HMGXB4: variants seen among roughly 807,000 people sequenced by gnomAD.
HMGXB4 encodes HMG domain-containing protein 4.
HMGXB4 carries 27 observed loss-of-function variants against 63.9 expected under a neutral mutation model. The observed-to-expected ratio is 0.42, with a 90% CI of 0.31 to 0.58. The LOEUF is 0.58. Among genes scored for constraint, HMGXB4 ranks in the 20% least tolerant of loss-of-function variants. HMGXB4 has a pLI of 0.13. For synonymous variants in HMGXB4, 264 were observed against 265.3 expected, an observed-to-expected ratio of 0.99 and a Z score of 0.05; for missense variants, 624 against 700.7, an observed-to-expected ratio of 0.89 and a Z score of 1.24.
chr22:35,281,998 A>C (rs563151321), intron 5 of HMGXB4, among the ~76,000 whole-genome samples: 17 of 152,082 alleles, frequency 1.1e-4, no homozygotes, highest in African/African-American at 4.1e-4. Context: ...ATTTTATGGG[A>C]ACAACATGAA....
At chr22:35,265,877 C>G (rs1187726556) in intron 5 of HMGXB4, among the ~76,000 whole-genome samples, 1 of 151,378 alleles carries the variant, frequency 6.6e-6, no homozygotes, top group Non-Finnish European at 1.5e-5. Context: ...ACCTCCTCCT[C>G]CCAGGTTCAA....
At chr22:35,252,171 T>C in the HMGXB4 span, among the ~76,000 whole-genome samples, 1 of 152,164 alleles carries the variant, frequency 6.6e-6, no homozygotes, top group Non-Finnish European at 1.5e-5. Context: ...GCTGAGATCG[T>C]GTCAGTGCAC....
At chr22:35,243,504 G>C in the HMGXB4 span, among the ~76,000 whole-genome samples, 91,126 of 151,958 alleles carry the variant, frequency 0.6, 29,332 homozygotes, top group Non-Finnish European at 0.72. Context: ...AGATATTTAA[G>C]AGTTTTTTTT....
chr22:35,265,045 T>G lies in HMGXB4; in HGVS notation c.657T>G (p.Thr219=). ...TTCAATATCCCTCCCAACAAGCGAC[T>G]GTGAAAAAATCCTCAAAGAAATCAG... is the stretch of plus-strand genomic sequence containing the variant. ...ESFQYPSQQA[T]VKKSSKKSAR... is the part of the protein sequence containing the mutation. The change falls in exon 5 of 11, where the codon ACT becomes ACG. Residue 219 remains threonine, a synonymous_variant. Transcript: ENST00000216106. 2 of 1,613,844 alleles carry G rather than the reference T, an allele frequency of 1.2e-6. No individual in the cohort carries two copies. Among genetic ancestry groups the G allele is most frequent in the Non-Finnish European group, 1.7e-6 (2 of 1,179,758 alleles).
chr22:35,266,334 T>C (rs1923244225), intron 5 of HMGXB4, among the ~76,000 whole-genome samples: 1 of 152,220 alleles, frequency 6.6e-6, no homozygotes, highest in African/African-American at 2.4e-5. Flanking sequence ...CTAATGACTT[T>C]CCACCAGCTG....
At chr22:35,284,743 A>C (rs545084923) in intron 6 of HMGXB4, among the ~76,000 whole-genome samples, 1 of 152,376 alleles carries the variant, frequency 6.6e-6, no homozygotes, top group African/African-American at 2.4e-5. Context: ...TCAAACCATC[A>C]TAAGTCAGGG....
At chr22:35,245,387 ATAT>A in the HMGXB4 span, among the ~76,000 whole-genome samples, 1 of 57,304 alleles carries the variant, frequency 1.7e-5, no homozygotes, top group Non-Finnish European at 4.4e-5. Context: ...TTTTGTATTT[ATAT>A]TATTGTTTTT....
intron 5 of HMGXB4, among the ~76,000 whole-genome samples, chr22:35,271,797 T>G (rs548213669): frequency 6.6e-6 from 1 of 152,346 alleles, no homozygotes; most frequent in Admixed American, 6.5e-5. Flanking sequence ...TAGTTCAAAG[T>G]AATTCCCAGT....
intron 1 of HMGXB4, among the ~76,000 whole-genome samples, chr22:35,260,610 G>A (rs1922788015): frequency 6.6e-6 from 1 of 152,174 alleles, no homozygotes; most frequent in Non-Finnish European, 1.5e-5. Flanking sequence ...CTTCGAACAG[G>A]CAGTTCTCCA....
chr22:35,264,130 T>C, intron 4 of HMGXB4: 1 of 1,335,628 alleles, frequency 7.5e-7, no homozygotes, highest in Non-Finnish European at 1.0e-6. Flanking sequence ...ATCATCCACT[T>C]ATCTTGTGCC....
chr22:35,292,668 A>G (rs41459445), intron 9 of HMGXB4, among the ~76,000 whole-genome samples: 2,846 of 152,282 alleles, frequency 0.019, 88 homozygotes, highest in African/African-American at 0.064. Context: ...CATAATCACA[A>G]ATCTTACCAA....
intron 9 of HMGXB4, among the ~76,000 whole-genome samples, chr22:35,292,187 T>C (rs780368218): frequency 6.6e-6 from 1 of 152,182 alleles, no homozygotes; most frequent in African/African-American, 2.4e-5. Context: ...TAACCATGTA[T>C]TAAGCACCAT....
chr22:35,263,132 G>T lies in HMGXB4; in HGVS notation c.86G>T (p.Ser29Ile). 6.2e-7 allele frequency: 1 copy of T among 1,614,030 alleles called. No homozygotes were observed. The highest frequency in any genetic ancestry group is 1.1e-5 in the South Asian group (1 of 91,084). Residue 29 changes from serine to isoleucine, a missense_variant, in exon 3 of 11, where the codon AGC becomes ATC. Physicochemically the swap from Ser to Ile is moderately radical, Grantham distance 142 (BLOSUM62 -2). Coordinates refer to ENST00000216106, the MANE Select transcript of HMGXB4 (RefSeq NM_001003681.3). ...FEDIGLAAGR[S>I]QREKKRSYKD... ...GACATAGGACTTGCAGCTGGCCGAA[G>T]CCAACGAGAGAAAAAACGTTCTTAC... is the stretch of plus-strand genomic sequence containing the variant.
At chr22:35,291,118 C>T (rs1443228997) in intron 9 of HMGXB4, among the ~76,000 whole-genome samples, 1 of 152,082 alleles carries the variant, frequency 6.6e-6, no homozygotes, top group African/African-American at 2.4e-5. Context: ...CAAAAATTAG[C>T]CAGTTGTGGT....
chr22:35,286,694 C>CA, intron 7 of HMGXB4, among the ~76,000 whole-genome samples: 1 of 151,808 alleles, frequency 6.6e-6, no homozygotes, highest in Non-Finnish European at 1.5e-5. Context: ...ACTAAAAATA[C>CA]AAAAAATTAG....
At chr22:35,249,563 G>C in the HMGXB4 span, among the ~76,000 whole-genome samples, 2 of 97,842 alleles carry the variant, frequency 2.0e-5, 1 homozygote, top group Admixed American at 2.2e-4. Context: ...CTCTGAGAAG[G>C]GTGCTGGGGA....
intron 5 of HMGXB4, among the ~76,000 whole-genome samples, chr22:35,268,452 C>CT (rs571119054): frequency 7.3e-5 from 11 of 149,784 alleles, no homozygotes; most frequent in Middle Eastern, 3.4e-3. Context: ...TAATAAGTAG[C>CT]TTTTTTTTTT....
At chr22:35,242,062 T>C in the HMGXB4 span, among the ~76,000 whole-genome samples, 1 of 152,226 alleles carries the variant, frequency 6.6e-6, no homozygotes, top group Non-Finnish European at 1.5e-5. Flanking sequence ...GGGGTAATAC[T>C]AGCTTCATAA....
At chr22:35,263,466 A>G (rs1922997572) in intron 3 of HMGXB4, among the ~76,000 whole-genome samples, 1 of 151,932 alleles carries the variant, frequency 6.6e-6, no homozygotes, top group Non-Finnish European at 1.5e-5. Flanking sequence ...GTATTTTATC[A>G]GAGACAGGGT....
Sources: allele counts gnomAD v4.1 joint callset (sites outside exome capture counted in the v4.1 genomes callset), GRCh38; gene constraint gnomAD v4.1.1; transcripts MANE v1.5; gene names NCBI Gene and HGNC (gene_info 2026-07-23, HGNC 2026-07-21).